KCNG3: variants seen among roughly 807,000 people sequenced by gnomAD.
KCNG3 encodes the protein potassium voltage-gated channel modifier subfamily G member 3, also known as voltage-gated potassium channel regulatory subunit KCNG3.
A neutral mutation model predicts 29.0 loss-of-function variants in KCNG3; 15 were observed. The observed-to-expected ratio is 0.52, with a 90% CI of 0.35 to 0.80. KCNG3 has a LOEUF of 0.80. Ranked by LOEUF, KCNG3 falls within the 30% of genes least tolerant of loss-of-function variation. The pLI, the probability that KCNG3 is intolerant of heterozygous loss-of-function variation, is 0.01. For missense variants in KCNG3, 512 were observed against 605.7 expected, an observed-to-expected ratio of 0.85 and a Z score of 1.62; for synonymous variants, 322 against 248.9, an observed-to-expected ratio of 1.29 and a Z score of -2.76.
downstream of KCNG3, among the ~76,000 whole-genome samples, chr2:42,437,298 G>A (rs944400365): frequency 3.9e-5 from 6 of 152,040 alleles, no homozygotes; most frequent in South Asian, 2.1e-4. Context: ...AATATAAGTC[G>A]AATCTTAGAA....
chr2:42,471,539 G>A (rs184106277), intron 1 of KCNG3, among the ~76,000 whole-genome samples: 3 of 152,194 alleles, frequency 2.0e-5, no homozygotes, highest in East Asian at 3.9e-4. Context: ...TCTTTTTGGG[G>A]TGATGAAAAT....
At chr2:42,463,674 C>A in intron 1 of KCNG3, 1 of 177,558 alleles carries the variant, frequency 5.6e-6, no homozygotes. Context: ...CATTTTTTCC[C>A]CCCAGCATTA....
chr2:42,435,374 G>T, the KCNG3 span, among the ~76,000 whole-genome samples: 1 of 152,078 alleles, frequency 6.6e-6, no homozygotes, highest in Non-Finnish European at 1.5e-5. Context: ...CACTTTATTA[G>T]ATATGACACC....
At chr2:42,477,296 G>C (rs1572860409) in intron 1 of KCNG3, among the ~76,000 whole-genome samples, 1 of 149,872 alleles carries the variant, frequency 6.7e-6, no homozygotes, top group Admixed American at 6.7e-5. Flanking sequence ...CTTAAAGGCA[G>C]AAAGGGACGA....
chr2:42,493,375 A>T lies in KCNG3; in HGVS notation c.127T>A (p.Ser43Thr), dbSNP rs375635474. 62 of 1,555,214 alleles carry T rather than the reference A, an allele frequency of 4.0e-5. No individual in the cohort carries two copies. The highest frequency in any genetic ancestry group is 5.1e-5 in the Non-Finnish European group (59 of 1,150,898). The change falls in exon 1 of 2, where the codon TCC becomes ACC. Residue 43 changes from serine to threonine, a missense_variant. Around this residue, in one of 5 missense-constraint regions of KCNG3, gnomAD observed 91 missense variants for 91.1 expected, o/e 1.00. Transcript: ENST00000306078. ...CACACCTCGAGCACGTCGCGCTCGG[A>T]GCGGCAGCCGTGCAGCCGGCTCACG... The part of the protein sequence containing the change: ...RRVSRLHGCR[S>T]ERDVLEVCDD...
Position 42,442,133 on chromosome 2 carries a change from T to C in KCNG3, c.*1801A>G, listed in dbSNP as rs140418111. On this transcript the variant is annotated 3_prime_UTR_variant, in exon 2 of 2. Coordinates refer to ENST00000306078, the MANE Select transcript of KCNG3 (RefSeq NM_133329.6). Reference sequence around the variant, plus strand: ...AGAAAAAATAAATCCATGCCATTTATTTCAATTATATTAGAATACAATAAA... The same window carrying C: ...AGAAAAAATAAATCCATGCCATTTACTTCAATTATATTAGAATACAATAAA... 2 of 152,310 alleles carry C rather than the reference T, an allele frequency of 1.3e-5. No individual in the cohort carries two copies. The highest frequency in any genetic ancestry group is 3.9e-4 in the East Asian group (2 of 5,190). 9.4% of individuals were successfully genotyped at this position (152,310 alleles called of 1,614,324 possible). A position where few individuals can be genotyped will look rare whatever the true frequency, so the allele number is the denominator to read the frequency against.
intron 1 of KCNG3, among the ~76,000 whole-genome samples, chr2:42,488,562 T>C (rs1673785973): frequency 6.6e-6 from 1 of 151,500 alleles, no homozygotes; most frequent in Admixed American, 6.6e-5. Flanking sequence ...CTTTTTTTTT[T>C]TTTTTGAGAC....
rs1485849252 is a variant in KCNG3, at chr2:42,493,354, C to T, written c.148G>A (p.Val50Met). The part of the protein sequence containing the change: ...GCRSERDVLE[V>M]CDDYDRERNE... ...CGCTCGCGGTCGTAGTCGTCGCACA[C>T]CTCGAGCACGTCGCGCTCGGAGCGG... The change falls in exon 1 of 2, where the codon GTG (valine) becomes ATG (methionine). Residue 50 changes from valine (V) to methionine (M), a missense_variant. Transcript: ENST00000306078. The T allele has an allele frequency of 6.3e-7, 1 of 1,584,708 alleles. No individual in the cohort carries two copies.
At chr2:42,446,190 T>A (rs569119901) in intron 1 of KCNG3, among the ~76,000 whole-genome samples, 226 of 151,902 alleles carry the variant, frequency 1.5e-3, no homozygotes, top group African/African-American at 5.2e-3. Context: ...TATTTTTTTT[T>A]AATTGAGATG....
At chr2:42,477,388 TACACACACACAC>T (rs1210808896) in intron 1 of KCNG3, among the ~76,000 whole-genome samples, 4 of 104,768 alleles carry the variant, frequency 3.8e-5, no homozygotes, top group African/African-American at 1.2e-4. Context: ...CACATATATA[TACACACACACAC>T]ACACACACAC....
chr2:42,491,502 A>T (rs979024265), intron 1 of KCNG3, among the ~76,000 whole-genome samples: 2 of 147,692 alleles, frequency 1.4e-5, no homozygotes, highest in South Asian at 2.1e-4. Context: ...AGCCCTCCTT[A>T]AAAAAAAAAG....
At chr2:42,492,685 C>G (rs1444308569) in intron 1 of KCNG3, 152 bp downstream of exon 1, 6 of 615,042 alleles carry the variant, frequency 9.8e-6, no homozygotes, top group Non-Finnish European at 1.5e-5. Context: ...GGGGACCGAC[C>G]GGTCCCGTAG....
intron 1 of KCNG3, among the ~76,000 whole-genome samples, chr2:42,451,417 C>A (rs1672751675): frequency 6.6e-6 from 1 of 151,524 alleles, no homozygotes; most frequent in African/African-American, 2.4e-5. Flanking sequence ...ATCTCTACTA[C>A]AAATAATGTT....
chr2:42,451,000 T>C (rs1572843583), intron 1 of KCNG3, among the ~76,000 whole-genome samples: 3 of 150,464 alleles, frequency 2.0e-5, no homozygotes, highest in East Asian at 2.0e-4. Flanking sequence ...AGGTCAGGAG[T>C]TCGAGACCAG....
downstream of KCNG3, among the ~76,000 whole-genome samples, chr2:42,441,146 T>C (rs1672471877): frequency 6.6e-6 from 1 of 152,102 alleles, no homozygotes; most frequent in Non-Finnish European, 1.5e-5. Context: ...TTTGAGAGGC[T>C]GAGGTGGGAG....
chr2:42,475,646 T>TA (rs753198436), intron 1 of KCNG3, among the ~76,000 whole-genome samples: 4,709 of 136,020 alleles, frequency 0.035, 217 homozygotes, highest in African/African-American at 0.11. Flanking sequence ...TCTGTCTCTT[T>TA]AAAAAAAAAA....
At chr2:42,425,045 G>A in the KCNG3 span, 1 of 152,190 alleles carries the variant, frequency 6.6e-6, no homozygotes, top group Non-Finnish European at 1.5e-5. Flanking sequence ...ACCCCCTCCT[G>A]GCGCTGCGGG....
chr2:42,476,811 G>A (rs1377418951), intron 1 of KCNG3, among the ~76,000 whole-genome samples: 1 of 151,200 alleles, frequency 6.6e-6, no homozygotes, highest in South Asian at 2.1e-4. Flanking sequence ...TTTGTAAAAA[G>A]CAAAGAACTG....
the KCNG3 span, among the ~76,000 whole-genome samples, chr2:42,404,105 C>G: frequency 3.7e-3 from 558 of 152,234 alleles, 1 homozygote; most frequent in Non-Finnish European, 6.2e-3. Context: ...GCCTAGTAAC[C>G]TTTGCATGGG....
Sources: allele counts gnomAD v4.1 joint callset (sites outside exome capture counted in the v4.1 genomes callset), GRCh38; gene constraint gnomAD v4.1.1; regional missense constraint gnomAD v4.1.1; transcripts MANE v1.5; gene names NCBI Gene and HGNC (gene_info 2026-07-23, HGNC 2026-07-21).